RBFOX1: variants seen among roughly 807,000 people sequenced by gnomAD.
RBFOX1 encodes RNA binding fox-1 homolog 1.
A neutral mutation model predicts 57.7 loss-of-function variants in RBFOX1; 8 were observed. The observed-to-expected ratio is 0.14, with a 90% confidence interval of 0.08 to 0.25. RBFOX1 has a LOEUF of 0.25. Among genes scored for constraint, RBFOX1 ranks in the 10% least tolerant of loss-of-function variants. The pLI is 1.00. For synonymous variants in RBFOX1, 326 were observed against 222.4 expected (o/e 1.47, Z -4.15); for missense variants, 611 against 548.5 (o/e 1.11, Z -1.14).
Position 7,518,388 on chromosome 16 carries a change from C to T in RBFOX1, c.269C>T (p.Thr90Ile). The T allele has an allele frequency of 6.2e-7, 1 of 1,608,404 alleles. No homozygotes were observed. Among genetic ancestry groups the T allele is most frequent in the Non-Finnish European group, 8.5e-7 (1 of 1,176,238 alleles). Residue 90 changes from threonine (T) to isoleucine (I), a missense_variant and splice_region_variant, in exon 5 of 16, where the codon ACA becomes ATA. Coordinates refer to ENST00000550418, the MANE Select transcript of RBFOX1 (RefSeq NM_018723.4). ...TSAQTVSGTATQTDDAAPTDG... is the reference protein window; with the variant it reads ...TSAQTVSGTAIQTDDAAPTDG... The stretch of plus-strand genomic sequence containing the variant: ...GCTCAGACCGTCTCTGGCACCGCCA[C>T]AGTAAGTGGACGTGTTTGCTACGGG...
chr16:7,572,781 G>T (rs999962687), intron 5 of RBFOX1, among the ~76,000 whole-genome samples: 2 of 151,972 alleles, frequency 1.3e-5, no homozygotes, highest in Non-Finnish European at 2.9e-5. Flanking sequence ...AGAGCTTGCA[G>T]TGAGCCAAGA....
chr16:6,289,665 A>C (rs1056629214), intron 1 of RBFOX1, among the ~76,000 whole-genome samples: 1 of 152,144 alleles, frequency 6.6e-6, no homozygotes, highest in Non-Finnish European at 1.5e-5. Context: ...AGCTGGCCCT[A>C]GTACAAGAAG....
At chr16:5,799,782 G>C (rs1384375206) in intron 3 of RBFOX1, among the ~76,000 whole-genome samples, 1 of 152,114 alleles carries the variant, frequency 6.6e-6, no homozygotes, top group Non-Finnish European at 1.5e-5. Context: ...ATTGTAAATT[G>C]AGGAGCTTCT....
At chr16:5,395,614 CTGATGTCTG>C (rs1161560924) in intron 1 of RBFOX1, among the ~76,000 whole-genome samples, 1 of 152,206 alleles carries the variant, frequency 6.6e-6, no homozygotes, top group African/African-American at 2.4e-5. Flanking sequence ...TCTCCACTTC[CTGATGTCTG>C]TGACTTTGTG....
chr16:6,420,285 C>A (rs1193703886), intron 2 of RBFOX1, among the ~76,000 whole-genome samples: 2 of 152,152 alleles, frequency 1.3e-5, no homozygotes, highest in African/African-American at 4.8e-5. Context: ...GTAGCAAAGA[C>A]TGGAAATCCA....
rs575235024 is a variant in RBFOX1, at chr16:5,897,016, C to CTTTTTTTTTTTTTTTTTTTTTTTTTT, written c.351+29686_351+29711dup. Among the ~76,000 whole-genome samples, 19 of 56,466 alleles carry CTTTTTTTTTTTTTTTTTTTTTTTTTT rather than the reference C, an allele frequency of 3.4e-4. 5 individuals carry two copies. Among genetic ancestry groups the CTTTTTTTTTTTTTTTTTTTTTTTTTT allele is most frequent in the African/African-American group, 8.5e-4 (11 of 13,014 alleles). The allele number at this position is 56,466 out of a possible 152,430, so 37.0% of individuals were successfully genotyped here. A position where few individuals can be genotyped will look rare whatever the true frequency, so the allele number is the denominator to read the frequency against. On this transcript the variant is annotated intron_variant, in intron 4 of 19. Transcript: ENST00000641259. Reference sequence around the variant, plus strand: ...CCCCCACTAAAAATGTATCCATCCGCTTTTTTTTTTTTTTTTTTTTTTTTT... The same window carrying CTTTTTTTTTTTTTTTTTTTTTTTTTT: ...CCCCCACTAAAAATGTATCCATCCGCTTTTTTTTTTTTTTTTTTTTTTTTTTTTTTTTTTTTTTTTTTTTTTTTTTT...
rs1044099728 is a variant in RBFOX1 at position 7,713,286 on chromosome 16, A to G, written c.*2541A>G. 1.3e-5 allele frequency: 2 copies of G among 152,242 alleles called. No homozygotes were observed. Among genetic ancestry groups the G allele is most frequent in the Admixed American group, 6.5e-5 (1 of 15,282 alleles). The allele number at this position is 152,242 out of a possible 1,614,324, so 9.4% of individuals were successfully genotyped here. A position where few individuals can be genotyped will look rare whatever the true frequency, so the allele number is the denominator to read the frequency against. ...TTATATCACTTACAGTGGTTTGTGA[A>G]TAAAGAAAACTGGTTTGTAATATCA... On this transcript the variant is annotated 3_prime_UTR_variant, in exon 16 of 16. Transcript: ENST00000550418.
intron 5 of RBFOX1, among the ~76,000 whole-genome samples, chr16:7,544,391 A>G (rs2083831063): frequency 6.6e-6 from 1 of 152,212 alleles, no homozygotes; most frequent in African/African-American, 2.4e-5. Context: ...CCTTAGGAGG[A>G]GATCTCATTT....
Position 6,838,008 on chromosome 16 carries a change from CTTT to C in RBFOX1, c.-16+183369_-16+183371del, listed in dbSNP as rs58455545. ...TGGCAATACTGGGAAGTTACCACCCCTTTTTTTTTTTTTCCATTTTACTTTAAG... is the reference window on the plus strand; with the variant it reads ...TGGCAATACTGGGAAGTTACCACCCCTTTTTTTTTTCCATTTTACTTTAAG... On this transcript the variant is annotated intron_variant, in intron 3 of 15. Transcript: ENST00000550418. 1.0e-4 allele frequency among the ~76,000 whole-genome samples: 15 copies of C among 148,518 alleles called. No homozygotes were observed. In the South Asian group the frequency reaches 1.5e-3, roughly 15 times the overall value.
At chr16:5,455,136 G>A (rs1438215380) in intron 1 of RBFOX1, among the ~76,000 whole-genome samples, 1 of 150,796 alleles carries the variant, frequency 6.6e-6, no homozygotes, top group Non-Finnish European at 1.5e-5. Flanking sequence ...GATATAACAG[G>A]CCACAATCAG....
intron 4 of RBFOX1, among the ~76,000 whole-genome samples, chr16:7,077,113 A>C (rs1341434564): frequency 6.6e-6 from 1 of 152,206 alleles, no homozygotes; most frequent in African/African-American, 2.4e-5. Context: ...TTTTCTGCCC[A>C]GAAATCTCTT....
intron 4 of RBFOX1, among the ~76,000 whole-genome samples, chr16:7,405,241 A>G (rs2098319365): frequency 6.6e-6 from 1 of 152,238 alleles, no homozygotes; most frequent in Admixed American, 6.5e-5. Flanking sequence ...GGAAAACAGC[A>G]GAAATTAGCA....
chr16:6,291,861 T>C (rs1427084806), intron 1 of RBFOX1, among the ~76,000 whole-genome samples: 1 of 152,198 alleles, frequency 6.6e-6, no homozygotes, highest in Non-Finnish European at 1.5e-5. Context: ...CAAGTAAATC[T>C]AAGATGATTG....
At chr16:7,606,105 C>G (rs1331932415) in intron 9 of RBFOX1, among the ~76,000 whole-genome samples, 3 of 151,210 alleles carry the variant, frequency 2.0e-5, no homozygotes, top group Admixed American at 1.3e-4. Flanking sequence ...GCCACGGTGC[C>G]CGACCTGCAT....
chr16:7,392,184 T>C (rs1305963656), intron 4 of RBFOX1, among the ~76,000 whole-genome samples: 1 of 152,208 alleles, frequency 6.6e-6, no homozygotes, highest in Non-Finnish European at 1.5e-5. Flanking sequence ...CATTGCATTT[T>C]CATAATCATT....
chr16:5,369,882 C>G (rs2065814857), intron 1 of RBFOX1, among the ~76,000 whole-genome samples: 1 of 151,962 alleles, frequency 6.6e-6, no homozygotes, highest in African/African-American at 2.4e-5. Flanking sequence ...TGACAGAAAC[C>G]ACAATTACTT....
chr16:5,568,410 T>C (rs1030333483), intron 2 of RBFOX1, among the ~76,000 whole-genome samples: 2 of 152,218 alleles, frequency 1.3e-5, no homozygotes, highest in Non-Finnish European at 2.9e-5. Context: ...CATCGTATAA[T>C]CTGTGATCCC....
intron 3 of RBFOX1, among the ~76,000 whole-genome samples, chr16:5,727,789 G>A (rs1311485385): frequency 1.3e-5 from 2 of 152,150 alleles, no homozygotes; most frequent in African/African-American, 4.8e-5. Flanking sequence ...CTGGATTCAC[G>A]TGATCCTCCT....
chr16:7,610,276 T>A (rs1036681152), intron 10 of RBFOX1, among the ~76,000 whole-genome samples: 1 of 151,840 alleles, frequency 6.6e-6, no homozygotes, highest in Admixed American at 6.6e-5. Flanking sequence ...TCCACCACCA[T>A]GCCCGGATCA....
Sources: gnomAD v4.1 joint callset for allele counts (sites outside exome capture counted in the v4.1 genomes callset) on GRCh38, gnomAD v4.1.1 for gene constraint, MANE v1.5 for transcripts, NCBI Gene and HGNC (gene_info 2026-07-23, HGNC 2026-07-21) for gene names.